MYO1B: variants seen among roughly 807,000 people sequenced by gnomAD.
MYO1B encodes the protein myosin IB.
In MYO1B, 72 loss-of-function variants were observed where a neutral mutation model predicts 159.7. That is an observed-to-expected ratio of 0.45 (90% CI 0.37 to 0.55). MYO1B has a LOEUF of 0.55. Among genes scored for constraint, MYO1B ranks in the 20% least tolerant of loss-of-function variants. The pLI, the probability that MYO1B is intolerant of heterozygous loss-of-function variation, is 0.00. For missense variants in MYO1B, 1,062 were observed against 1,364.8 expected (o/e 0.78, Z 3.50); for synonymous variants, 468 against 473.8 (o/e 0.99, Z 0.16).
At chr2:191,360,500 A>G in intron 7 of MYO1B, 131 bp from the exon 8 acceptor site, 1 of 603,074 alleles carries the variant, frequency 1.7e-6, no homozygotes, top group Non-Finnish European at 2.9e-6. Context: ...TAGAACTGAA[A>G]ATACAGCTTC....
intron 15 of MYO1B, 106 bp downstream of exon 15, chr2:191,383,448 TTA>T (rs1209689273): frequency 0.016 from 1,985 of 127,348 alleles, 98 homozygotes; most frequent in African/African-American, 0.074. Flanking sequence ...TCACTGTTTT[TTA>T]TATATATATA....
intron 29 of MYO1B, 121 bp downstream of exon 29, chr2:191,414,790 A>G: frequency 2.0e-6 from 2 of 976,022 alleles, no homozygotes; most frequent in South Asian, 5.1e-5. Flanking sequence ...AATTTTGGAT[A>G]TTCACCCCTA....
chr2:191,397,201 A>AT (rs1224486032), intron 21 of MYO1B, among the ~76,000 whole-genome samples: 12 of 30,624 alleles, frequency 3.9e-4, no homozygotes, highest in African/African-American at 1.2e-3. Flanking sequence ...TATTTTATTT[A>AT]TTTTTTTTTA....
At chr2:191,372,904 T>C (rs1042699790) in intron 13 of MYO1B, among the ~76,000 whole-genome samples, 1 of 137,926 alleles carries the variant, frequency 7.3e-6, no homozygotes, top group Non-Finnish European at 1.5e-5. Flanking sequence ...TTTTTTTTTT[T>C]TGTGACGGAG....
At chr2:191,257,695 T>C (rs1180143145) in intron 1 of MYO1B, among the ~76,000 whole-genome samples, 6 of 152,028 alleles carry the variant, frequency 3.9e-5, no homozygotes, top group Non-Finnish European at 7.3e-5. Flanking sequence ...CTGACATAGA[T>C]TTGAAAGAAG....
intron 24 of MYO1B, among the ~76,000 whole-genome samples, chr2:191,403,022 T>C (rs908586792): frequency 5.3e-5 from 8 of 152,330 alleles, no homozygotes; most frequent in African/African-American, 1.9e-4. Context: ...TTTTTTAAAA[T>C]CTGTGAGACA....
chr2:191,260,972 A>G (rs951640436), intron 1 of MYO1B, among the ~76,000 whole-genome samples: 1 of 152,224 alleles, frequency 6.6e-6, no homozygotes, highest in Non-Finnish European at 1.5e-5. Context: ...ATTCATTCTT[A>G]TGATTGTCCA....
chr2:191,339,837 G>A (rs1032733901), intron 4 of MYO1B, among the ~76,000 whole-genome samples: 43 of 152,150 alleles, frequency 2.8e-4, no homozygotes, highest in African/African-American at 8.7e-4. Context: ...TTTAGGTTGC[G>A]CAAAAGCCCT....
At chr2:191,325,582 T>C (rs185433165) in intron 3 of MYO1B, among the ~76,000 whole-genome samples, 1 of 152,256 alleles carries the variant, frequency 6.6e-6, no homozygotes, top group East Asian at 1.9e-4. Flanking sequence ...GGGCCATGTT[T>C]GAAAGAACAT....
intron 3 of MYO1B, among the ~76,000 whole-genome samples, chr2:191,302,680 C>G (rs909596923): frequency 6.6e-6 from 1 of 152,082 alleles, no homozygotes; most frequent in African/African-American, 2.4e-5. Flanking sequence ...TGAGATGTGT[C>G]CTTCTTAAGT....
rs6738897 is a variant in MYO1B at position 191,409,258 on chromosome 2, T to A, written c.2766+80T>A. 19,404 of 1,425,472 alleles carry A rather than the reference T, an allele frequency of 0.014. 2,143 individuals carry two copies. The African/African-American group carries it at 0.24, about 18-fold the overall frequency. The allele number at this position is 1,425,472 out of a possible 1,614,324, so 88.3% of individuals were successfully genotyped here. On this transcript the variant is annotated intron_variant, in intron 26 of 30. Transcript: ENST00000392318. ...TTAAAAACACATAAAATCAAAACTGTTAACACATTCTTCCTTTGCCTCAAA... is the reference window on the plus strand; with the variant it reads ...TTAAAAACACATAAAATCAAAACTGATAACACATTCTTCCTTTGCCTCAAA...
At chr2:191,275,282 T>C (rs192286691) in intron 1 of MYO1B, among the ~76,000 whole-genome samples, 1 of 152,258 alleles carries the variant, frequency 6.6e-6, no homozygotes, top group African/African-American at 2.4e-5. Context: ...TACTCTATTG[T>C]TTTTCTTTTT....
intron 5 of MYO1B, among the ~76,000 whole-genome samples, chr2:191,344,263 A>T (rs543339923): frequency 1.3e-5 from 2 of 152,364 alleles, no homozygotes; most frequent in Admixed American, 6.5e-5. Flanking sequence ...ACACACCATT[A>T]TCAAGGTTAC....
At chr2:191,365,881 A>G (rs1693977802) in intron 11 of MYO1B, among the ~76,000 whole-genome samples, 1 of 152,222 alleles carries the variant, frequency 6.6e-6, no homozygotes, top group Non-Finnish European at 1.5e-5. Flanking sequence ...AGAGTGGCAA[A>G]TCTGCACCAG....
At chr2:191,271,914 G>A (rs781108541) in intron 1 of MYO1B, among the ~76,000 whole-genome samples, 143 of 152,198 alleles carry the variant, frequency 9.4e-4, no homozygotes, top group Non-Finnish European at 1.3e-3. Context: ...CATATGGTAG[G>A]TGGCTTGCAA....
At chr2:191,331,183 G>A (rs1408882087) in intron 4 of MYO1B, among the ~76,000 whole-genome samples, 1 of 152,010 alleles carries the variant, frequency 6.6e-6, no homozygotes, top group Non-Finnish European at 1.5e-5. Context: ...CCATTGTTTT[G>A]CAGGGCTAGC....
chr2:191,346,957 A>G (rs1692609092), intron 6 of MYO1B, among the ~76,000 whole-genome samples: 1 of 152,184 alleles, frequency 6.6e-6, no homozygotes, highest in Non-Finnish European at 1.5e-5. Flanking sequence ...TACCCTTTAC[A>G]GAGACACAGC....
chr2:191,387,568 C>A, intron 17 of MYO1B, 118 bp downstream of exon 17: 1 of 858,740 alleles, frequency 1.2e-6, no homozygotes, highest in Non-Finnish European at 1.9e-6. Context: ...AAAATACTTA[C>A]AGATTAAATA....
At chr2:191,298,060 C>G (rs1328488298) in intron 3 of MYO1B, among the ~76,000 whole-genome samples, 1 of 152,184 alleles carries the variant, frequency 6.6e-6, no homozygotes, top group Non-Finnish European at 1.5e-5. Flanking sequence ...TTAATTTTGA[C>G]AGAACATAAA....
Sources: allele counts gnomAD v4.1 joint callset (sites outside exome capture counted in the v4.1 genomes callset), GRCh38; gene constraint gnomAD v4.1.1; transcripts MANE v1.5; gene names NCBI Gene and HGNC (gene_info 2026-07-23, HGNC 2026-07-21).